The following ZNF93 variants were observed in gnomAD, a reference collection of about 807,000 sequenced individuals.
ZNF93 encodes zinc finger protein 93.
ZNF93 carries 29 observed loss-of-function variants against 45.0 expected under a neutral mutation model. That is an observed-to-expected ratio of 0.64 (90% CI 0.48 to 0.88). The LOEUF (loss-of-function observed/expected upper bound fraction) is 0.88, where lower values mean the gene tolerates loss of function less well. Ranked by LOEUF, ZNF93 falls within the 40% of genes least tolerant of loss-of-function variation. The pLI, the probability that ZNF93 is intolerant of heterozygous loss-of-function variation, is 0.00. For synonymous variants in ZNF93, 223 were observed against 244.6 expected (o/e 0.91, Z 0.82); for missense variants, 578 against 724.0 (o/e 0.80, Z 2.31).
Position 19,917,435 on chromosome 19 carries a change from G to GT in ZNF93, c.226+788dup, listed in dbSNP as rs1311179002. Among the ~76,000 whole-genome samples the GT allele has an allele frequency of 1.7e-4, 26 of 150,670 alleles. No individual in the cohort carries two copies. The South Asian group carries it at 3.4e-3, about 19-fold the overall frequency. ...CTCTTAGTTAATTTTTTTCCCAGTA[G>GT]TTTTTTTTAATGCTACATTAAATAA... On this transcript the variant is annotated intron_variant, in intron 3 of 3. Coordinates refer to ENST00000343769, the MANE Select transcript of ZNF93 (RefSeq NM_031218.4).
At chr19:19,922,200 T>C (rs183434043) in intron 3 of ZNF93, among the ~76,000 whole-genome samples, 2 of 152,314 alleles carry the variant, frequency 1.3e-5, no homozygotes, top group African/African-American at 4.8e-5. Flanking sequence ...CCTTCACTGA[T>C]GAAGCTTAGT....
chr19:19,913,267 T>C (rs2063314669), intron 1 of ZNF93, among the ~76,000 whole-genome samples: 1 of 152,230 alleles, frequency 6.6e-6, no homozygotes, highest in Non-Finnish European at 1.5e-5. Flanking sequence ...AATGCTTAGC[T>C]TAGTGGTTAT....
intron 3 of ZNF93, among the ~76,000 whole-genome samples, chr19:19,923,673 G>A (rs550760993): frequency 6.6e-5 from 10 of 152,302 alleles, no homozygotes; most frequent in Middle Eastern, 6.8e-3. Flanking sequence ...AGACTGCTGT[G>A]CTAGCAATGA....
intron 3 of ZNF93, among the ~76,000 whole-genome samples, chr19:19,931,221 C>T (rs7247240): frequency 0.18 from 27,089 of 151,418 alleles, 4,886 homozygotes; most frequent in African/African-American, 0.46. Flanking sequence ...TGGAGTTTCA[C>T]TCTTGTTGCC....
Position 19,934,220 on chromosome 19 carries a change from A to C in ZNF93, c.1265A>C (p.Glu422Ala). The change falls in exon 4 of 4, where the codon GAG becomes GCG. Residue 422 changes from glutamate (E) to alanine (A), a missense_variant. Glu to Ala is a moderately radical substitution (Grantham distance 107, BLOSUM62 -1). This residue lies in a region of ZNF93 where 446 missense variants were observed against 547.6 expected (regional missense o/e 0.81). Transcript: ENST00000343769. The stretch of plus-strand genomic sequence containing the variant: ...TCACATAAGAGAAGTCATACTGGAG[A>C]GAAACCCTACAAATGTGAAGAATGT... Reference protein sequence around the residue: ...LSSHKRSHTGEKPYKCEECGK... With the variant: ...LSSHKRSHTGAKPYKCEECGK... 6.2e-7 allele frequency: 1 copy of C among 1,612,332 alleles called. No homozygotes were observed. Among genetic ancestry groups the C allele is most frequent in the Non-Finnish European group, 8.5e-7 (1 of 1,179,976 alleles).
intron 3 of ZNF93, among the ~76,000 whole-genome samples, chr19:19,928,806 A>C (rs1380403878): frequency 1.3e-5 from 2 of 152,222 alleles, no homozygotes; most frequent in East Asian, 3.8e-4. Context: ...GAGCCATGGC[A>C]CCCAATCAGT....
intron 3 of ZNF93, chr19:19,927,183 C>A: frequency 2.5e-6 from 1 of 398,326 alleles, no homozygotes; most frequent in Non-Finnish European, 4.4e-6. Flanking sequence ...ATCCCTGGAG[C>A]CCAAAAGTTT....
At chr19:19,922,705 C>T (rs8109743) in intron 3 of ZNF93, among the ~76,000 whole-genome samples, 66,147 of 152,094 alleles carry the variant, frequency 0.43, 19,353 homozygotes, top group African/African-American at 0.82. Context: ...CCATCACTGA[C>T]ACCCTTTCTT....
chr19:19,910,061 T>C (rs2063303414), intron 1 of ZNF93, among the ~76,000 whole-genome samples: 1 of 148,286 alleles, frequency 6.7e-6, no homozygotes, highest in Admixed American at 6.8e-5. Flanking sequence ...CAGAGTAACA[T>C]GTGTGTGCTG....
chr19:19,927,007 G>T (rs1013717282), intron 3 of ZNF93: 15 of 395,462 alleles, frequency 3.8e-5, no homozygotes, highest in African/African-American at 8.2e-5. Context: ...TTTTCAAAAA[G>T]ATTTATAATT....
chr19:19,920,930 T>G (rs59785054), intron 3 of ZNF93, among the ~76,000 whole-genome samples: 202 of 152,314 alleles, frequency 1.3e-3, no homozygotes, highest in African/African-American at 4.7e-3. Context: ...GTTTTTTGTG[T>G]CTCTATCTCC....
At chr19:19,915,218 T>G (rs1376114203) in intron 1 of ZNF93, 62 bp from the exon 2 acceptor site, 11 of 1,610,714 alleles carry the variant, frequency 6.8e-6, no homozygotes, top group South Asian at 1.1e-5. Context: ...CATTTCACCT[T>G]AAGTAAAATT....
At chr19:19,918,968 A>G (rs1418652678) in intron 3 of ZNF93, among the ~76,000 whole-genome samples, 5 of 151,322 alleles carry the variant, frequency 3.3e-5, no homozygotes, top group African/African-American at 1.2e-4. Context: ...ATTAGATCCC[A>G]TTTGTCAATT....
chr19:19,909,604 C>T (rs184137084), intron 1 of ZNF93: 1 of 152,324 alleles, frequency 6.6e-6, no homozygotes, highest in East Asian at 1.9e-4. Flanking sequence ...GTCTCTTAAG[C>T]AGATTGATGA....
At chr19:19,910,736 C>T (rs2063305417) in intron 1 of ZNF93, among the ~76,000 whole-genome samples, 1 of 151,220 alleles carries the variant, frequency 6.6e-6, no homozygotes, top group Non-Finnish European at 1.5e-5. Context: ...GATTGTATTC[C>T]ACTTGCTGTA....
intron 3 of ZNF93, among the ~76,000 whole-genome samples, chr19:19,919,507 G>C (rs1252864473): frequency 6.6e-6 from 1 of 152,172 alleles, no homozygotes; most frequent in African/African-American, 2.4e-5. Flanking sequence ...TTGGTAGCTT[G>C]ATGGGGATGG....
intron 3 of ZNF93, among the ~76,000 whole-genome samples, chr19:19,927,621 G>C (rs1220167233): frequency 6.6e-6 from 1 of 152,146 alleles, no homozygotes; most frequent in East Asian, 1.9e-4. Context: ...TATTCACAAG[G>C]TTCATCTAAA....
At chr19:19,929,476 T>C (rs2063365907) in intron 3 of ZNF93, among the ~76,000 whole-genome samples, 1 of 152,212 alleles carries the variant, frequency 6.6e-6, no homozygotes, top group Non-Finnish European at 1.5e-5. Context: ...TTCACTTTTA[T>C]CAATATTTGC....
chr19:19,909,521 A>G (rs1282131418), intron 1 of ZNF93: 2 of 152,228 alleles, frequency 1.3e-5, no homozygotes, highest in Non-Finnish European at 2.9e-5. Context: ...TTTAGGATGA[A>G]CTATATATGA....
Sources: allele counts gnomAD v4.1 joint callset (sites outside exome capture counted in the v4.1 genomes callset), GRCh38; gene constraint gnomAD v4.1.1; regional missense constraint gnomAD v4.1.1; transcripts MANE v1.5; gene names NCBI Gene and HGNC (gene_info 2026-07-23, HGNC 2026-07-21).